The following DPP10 variants were observed in gnomAD, a reference collection of about 807,000 sequenced individuals.
DPP10 encodes the protein dipeptidyl peptidase like 10, also known as inactive dipeptidyl peptidase 10.
A neutral mutation model predicts 120.9 loss-of-function variants in DPP10; 33 were observed. The observed-to-expected ratio is 0.27, with a 90% CI of 0.21 to 0.37. The LOEUF is 0.37. Among genes scored for constraint, DPP10 ranks in the 10% least tolerant of loss-of-function variants. The probability of loss-of-function intolerance (pLI) is 1.00; values close to 1 mark genes in which losing one functional copy is unlikely to be tolerated. For synonymous variants in DPP10, 337 were observed against 326.1 expected (o/e 1.03, Z -0.36); for missense variants, 816 against 942.8 (o/e 0.87, Z 1.76).
At chr2:115,507,496 A>T (rs2148821670) in intron 4 of DPP10, among the ~76,000 whole-genome samples, 1 of 152,330 alleles carries the variant, frequency 6.6e-6, no homozygotes, top group South Asian at 2.1e-4. Context: ...CTACGGAGAT[A>T]ACATTTCAAG....
At chr2:114,532,635 T>A (rs1416514347) in intron 1 of DPP10, among the ~76,000 whole-genome samples, 1 of 152,154 alleles carries the variant, frequency 6.6e-6, no homozygotes, top group Admixed American at 6.5e-5. Context: ...ACTTATGATA[T>A]TATCAACAGT....
intron 1 of DPP10, among the ~76,000 whole-genome samples, chr2:114,670,902 A>C (rs962097096): frequency 3.9e-5 from 6 of 152,152 alleles, no homozygotes; most frequent in African/African-American, 1.4e-4. Flanking sequence ...TGATGGTGTG[A>C]TTATAATAAT....
At chr2:115,397,419 T>G (rs2067759838) in intron 3 of DPP10, among the ~76,000 whole-genome samples, 1 of 152,186 alleles carries the variant, frequency 6.6e-6, no homozygotes, top group South Asian at 2.1e-4. Flanking sequence ...ATTTTGCATT[T>G]CTTAGATAAT....
intron 1 of DPP10, among the ~76,000 whole-genome samples, chr2:114,883,504 T>C (rs1446106926): frequency 1.3e-5 from 2 of 152,196 alleles, no homozygotes; most frequent in Non-Finnish European, 2.9e-5. Context: ...AACATATTGT[T>C]AACCATTGAA....
At chr2:115,754,572 A>G (rs1009489248) in intron 11 of DPP10, among the ~76,000 whole-genome samples, 1 of 152,144 alleles carries the variant, frequency 6.6e-6, no homozygotes, top group Non-Finnish European at 1.5e-5. Context: ...ACTGTAAGGT[A>G]TCAAGTTCAT....
chr2:115,350,757 T>C (rs1268224065), intron 3 of DPP10, among the ~76,000 whole-genome samples: 1 of 152,134 alleles, frequency 6.6e-6, no homozygotes, highest in African/African-American at 2.4e-5. Flanking sequence ...TCCTGTAGTT[T>C]ATTATGTTCT....
intron 1 of DPP10, among the ~76,000 whole-genome samples, chr2:114,717,193 G>A (rs183233165): frequency 1.2e-4 from 19 of 152,236 alleles, no homozygotes; most frequent in Admixed American, 3.9e-4. Context: ...GCAATAAAAG[G>A]TGACTGCATA....
chr2:114,714,398 G>A (rs981249852), intron 1 of DPP10, among the ~76,000 whole-genome samples: 2 of 152,128 alleles, frequency 1.3e-5, no homozygotes, highest in African/African-American at 4.8e-5. Flanking sequence ...GAACCATGTA[G>A]CACTGAAACA....
chr2:115,374,618 G>T (rs1001123014), intron 3 of DPP10, among the ~76,000 whole-genome samples: 1 of 152,170 alleles, frequency 6.6e-6, no homozygotes, highest in Non-Finnish European at 1.5e-5. Context: ...TTCCATGAGG[G>T]CTCCGCACAT....
chr2:114,695,353 C>A (rs543042447), intron 1 of DPP10, among the ~76,000 whole-genome samples: 2 of 151,944 alleles, frequency 1.3e-5, no homozygotes, highest in Non-Finnish European at 2.9e-5. Context: ...AGATCTAGAG[C>A]GGGGGCCATT....
At chr2:114,954,242 G>A (rs564580138) in intron 1 of DPP10, among the ~76,000 whole-genome samples, 11 of 151,694 alleles carry the variant, frequency 7.3e-5, no homozygotes, top group Admixed American at 2.0e-4. Context: ...CACCACCCCC[G>A]GCTAACTTTT....
chr2:114,712,191 A>C (rs2105869508), intron 1 of DPP10, among the ~76,000 whole-genome samples: 1 of 152,248 alleles, frequency 6.6e-6, no homozygotes, highest in South Asian at 2.1e-4. Context: ...GTGATGGTGC[A>C]TGCCTGTAAT....
chr2:115,777,807 C>T lies in DPP10; in HGVS notation c.1334C>T (p.Ser445Phe), dbSNP rs866656468. The T allele has an allele frequency of 6.2e-7, 1 of 1,613,302 alleles. No homozygotes were observed. The highest frequency in any genetic ancestry group is 8.5e-7 in the Non-Finnish European group (1 of 1,179,444). The stretch of plus-strand genomic sequence containing the variant: ...GACAGTTACTTTCTGAGCACTGAAT[C>T]TTCTCCCAGAGGAAGGCAGCTGTAC... The part of the protein sequence containing the change: ...TQKIYFLSTE[S>F]SPRGRQLYSA... The change falls in exon 15 of 26, where the codon TCT becomes TTT. Residue 445 changes from serine (S) to phenylalanine (F), a missense_variant. Around this residue, in one of 3 missense-constraint regions of DPP10, gnomAD observed 592 missense variants for 649.0 expected, o/e 0.91. Transcript: ENST00000410059.
At chr2:114,919,675 T>C (rs545584987) in intron 1 of DPP10, among the ~76,000 whole-genome samples, 7 of 152,280 alleles carry the variant, frequency 4.6e-5, no homozygotes, top group Non-Finnish European at 1.0e-4. Context: ...GGTTAAAAAA[T>C]TGCTTCTAAG....
intron 5 of DPP10, among the ~76,000 whole-genome samples, chr2:115,581,910 TG>T (rs2082022421): frequency 6.6e-6 from 1 of 152,170 alleles, no homozygotes; most frequent in Admixed American, 6.5e-5. Flanking sequence ...CAACTCCATA[TG>T]GGTCTGGGTC....
At chr2:115,064,291 G>T (rs1222412269) in intron 1 of DPP10, among the ~76,000 whole-genome samples, 1 of 152,148 alleles carries the variant, frequency 6.6e-6, no homozygotes, top group East Asian at 1.9e-4. Flanking sequence ...GTGTGCTTCT[G>T]CTCCATTAGA....
intron 3 of DPP10, among the ~76,000 whole-genome samples, chr2:115,474,054 T>C (rs984660301): frequency 4.6e-5 from 7 of 152,154 alleles, no homozygotes; most frequent in Non-Finnish European, 8.8e-5. Flanking sequence ...GACCTTTAAC[T>C]CAGGAATGAC....
At chr2:115,392,246 TGTGGAATTA>T (rs2067369115) in intron 3 of DPP10, among the ~76,000 whole-genome samples, 1 of 152,166 alleles carries the variant, frequency 6.6e-6, no homozygotes, top group Non-Finnish European at 1.5e-5. Flanking sequence ...CTGGCACAGC[TGTGGAATTA>T]GTAAAACCTA....
At chr2:114,557,340 T>C (rs1211998247) in intron 1 of DPP10, among the ~76,000 whole-genome samples, 2 of 152,212 alleles carry the variant, frequency 1.3e-5, no homozygotes, top group Non-Finnish European at 2.9e-5. Context: ...ATGATCCATC[T>C]GTCTCTGCAG....
Sources: allele counts gnomAD v4.1 joint callset (sites outside exome capture counted in the v4.1 genomes callset), GRCh38; gene constraint gnomAD v4.1.1; regional missense constraint gnomAD v4.1.1; transcripts MANE v1.5; gene names NCBI Gene and HGNC (gene_info 2026-07-23, HGNC 2026-07-21).